The following MARCOL variants were observed in gnomAD, a reference collection of about 807,000 sequenced individuals.
The protein encoded by MARCOL is MARCO-like protein.
chr5:148,243,182 C>G lies in MARCOL; in HGVS notation c.786C>G (p.Ser262Arg), dbSNP rs995954429. ...SSQQGNLHLSSQQGNQGPSSK... is the reference protein window; with the variant it reads ...SSQQGNLHLSRQQGNQGPSSK... Reference sequence around the variant, plus strand: ...AACAAGGAAATCTACATTTATCTAGCCAGCAAGGGAATCAAGGACCTTCTA... The same window carrying G: ...AACAAGGAAATCTACATTTATCTAGGCAGCAAGGGAATCAAGGACCTTCTA... Residue 262 changes from serine (S) to arginine (R), a missense_variant, in exon 2 of 2, where the codon AGC becomes AGG. By Grantham distance (110) the Ser-to-Arg change is moderately radical (BLOSUM62 -1). Coordinates refer to ENST00000638089, the MANE Select transcript of MARCOL (RefSeq NM_001363511.2). 2.3e-4 allele frequency: 90 copies of G among 399,324 alleles called. No individual in the cohort carries two copies. Among genetic ancestry groups the G allele is most frequent in the African/African-American group, 1.7e-3 (85 of 48,692 alleles). The allele number at this position is 399,324 out of a possible 1,614,324, so 24.7% of individuals were successfully genotyped here.
At chr5:148,240,069 A>C in intron 1 of MARCOL, among the ~76,000 whole-genome samples, 1 of 151,946 alleles carries the variant, frequency 6.6e-6, no homozygotes, top group East Asian at 1.9e-4. Context: ...ATTCACCCTT[A>C]GTTTTTATTT....
chr5:148,241,299 A>G (rs1755961879), intron 1 of MARCOL, among the ~76,000 whole-genome samples: 1 of 151,986 alleles, frequency 6.6e-6, no homozygotes, highest in Non-Finnish European at 1.5e-5. Context: ...AATATAAAGC[A>G]GAGCAATTGA....
chr5:148,241,616 T>C (rs1181353478), intron 1 of MARCOL, among the ~76,000 whole-genome samples: 1 of 151,986 alleles, frequency 6.6e-6, no homozygotes, highest in African/African-American at 2.4e-5. Context: ...ATTTATTGTT[T>C]TTTAGATCCT....
intron 1 of MARCOL, among the ~76,000 whole-genome samples, chr5:148,241,336 A>T (rs1007402331): frequency 6.6e-6 from 1 of 152,062 alleles, no homozygotes; most frequent in South Asian, 2.1e-4. Flanking sequence ...CTAAGTATAC[A>T]TCTGAAATAA....
Position 148,243,091 on chromosome 5 carries a change from G to T in MARCOL, c.695G>T (p.Gly232Val). The T allele has an allele frequency of 2.5e-6, 1 of 399,500 alleles. No homozygotes were observed. The highest frequency in any genetic ancestry group is 4.4e-6 in the Non-Finnish European group (1 of 226,874). 24.7% of individuals were successfully genotyped at this position (399,500 alleles called of 1,614,324 possible). Residue 232 changes from glycine to valine, a missense_variant, in exon 2 of 2, where the codon GGA becomes GTA. Gly to Val is a moderately radical substitution (Grantham distance 109, BLOSUM62 -3). Coordinates refer to ENST00000638089, the MANE Select transcript of MARCOL (RefSeq NM_001363511.2). ...LGTSGQQEKP[G>V]SSSQQGKPGL... ...ACTTCTGGCCAACAGGAGAAGCCAG[G>T]ATCTTCTAGCCAACAGGGGAAGCCA...
chr5:148,242,068 C>A (rs1368307), intron 1 of MARCOL, among the ~76,000 whole-genome samples: 119,381 of 152,088 alleles, frequency 0.78, 50,134 homozygotes, highest in Middle Eastern at 0.94. Flanking sequence ...AAAATTAGGA[C>A]TAAAGTACTT....
At chr5:148,240,667 C>G (rs1483567375) in intron 1 of MARCOL, among the ~76,000 whole-genome samples, 1 of 151,706 alleles carries the variant, frequency 6.6e-6, no homozygotes, top group African/African-American at 2.4e-5. Flanking sequence ...ACTCTTTTTT[C>G]CTATTTCTTC....
rs1581154352 is a variant in MARCOL, at chr5:148,243,069, T to A, written c.673T>A (p.Ser225Thr). 5.0e-6 allele frequency: 2 copies of A among 397,060 alleles called. No individual in the cohort carries two copies. Among genetic ancestry groups the A allele is most frequent in the Non-Finnish European group, 8.9e-6 (2 of 225,030 alleles). The allele number at this position is 397,060 out of a possible 1,614,324, so 24.6% of individuals were successfully genotyped here. The part of the protein sequence containing the change: ...SSSQQGNLGT[S>T]GQQEKPGSSS... ...TAGCCAACAAGGAAATCTAGGAACT[T>A]CTGGCCAACAGGAGAAGCCAGGATC... The change falls in exon 2 of 2, where the codon TCT (serine) becomes ACT (threonine). Residue 225 changes from serine to threonine, a missense_variant. Physicochemically the swap from Ser to Thr is moderately conservative, Grantham distance 58. Coordinates refer to ENST00000638089, the MANE Select transcript of MARCOL (RefSeq NM_001363511.2).
intron 1 of MARCOL, among the ~76,000 whole-genome samples, chr5:148,239,881 G>C (rs957488386): frequency 1.2e-4 from 18 of 151,890 alleles, no homozygotes; most frequent in African/African-American, 4.3e-4. Context: ...ATATATATTG[G>C]AAGATGAAGA....
intron 1 of MARCOL, among the ~76,000 whole-genome samples, chr5:148,240,496 T>C (rs1158873380): frequency 6.6e-6 from 1 of 151,112 alleles, no homozygotes; most frequent in Non-Finnish European, 1.5e-5. Context: ...ATGTCGTAGT[T>C]AGGAAATTAT....
At chr5:148,239,709 G>C (rs1755943752) in intron 1 of MARCOL, among the ~76,000 whole-genome samples, 1 of 151,840 alleles carries the variant, frequency 6.6e-6, no homozygotes. Flanking sequence ...ATGTGTGTGT[G>C]TTTTAAAGGG....
At chr5:148,240,220 A>G (rs892885652) in intron 1 of MARCOL, among the ~76,000 whole-genome samples, 2 of 151,934 alleles carry the variant, frequency 1.3e-5, no homozygotes, top group African/African-American at 4.8e-5. Flanking sequence ...AACCCATAAA[A>G]TGGGATACTA....
chr5:148,239,040 T>G lies in MARCOL; in HGVS notation c.49+394T>G, dbSNP rs76267155. On this transcript the variant is annotated intron_variant, in intron 1 of 1. Coordinates refer to ENST00000638089, the MANE Select transcript of MARCOL (RefSeq NM_001363511.2). ...TAATGTGTTCAAATCTTGATGTTTTTTTCCCATTCATGTGATTTGAGGAAA... is the reference window on the plus strand; with the variant it reads ...TAATGTGTTCAAATCTTGATGTTTTGTTCCCATTCATGTGATTTGAGGAAA... Among the ~76,000 whole-genome samples the G allele has an allele frequency of 6.4e-3, 980 of 152,216 alleles. 42 individuals carry two copies. In the East Asian group the frequency reaches 0.12, roughly 18 times the overall value.
At chr5:148,238,781 A>G in intron 1 of MARCOL, 135 bp downstream of exon 1, 1 of 393,640 alleles carries the variant, frequency 2.5e-6, no homozygotes, top group Non-Finnish European at 4.5e-6. Context: ...GAAGAAGGTA[A>G]ATTTCTGACA....
Position 148,243,201 on chromosome 5 carries a change from C to T in MARCOL, c.805C>T (p.Pro269Ser). The change falls in exon 2 of 2, where the codon CCT becomes TCT. Residue 269 changes from proline (P) to serine (S), a missense_variant. Transcript: ENST00000638089. ...ATCTAGCCAGCAAGGGAATCAAGGA[C>T]CTTCTAGCAAACAGAGGAAGCCAGG... is the stretch of plus-strand genomic sequence containing the variant. ...HLSSQQGNQG[P>S]SSKQRKPGSS... 1 of 397,818 alleles carries T rather than the reference C, an allele frequency of 2.5e-6. No homozygotes were observed. Among genetic ancestry groups the T allele is most frequent in the Non-Finnish European group, 4.4e-6 (1 of 226,324 alleles). 24.6% of individuals were successfully genotyped at this position (397,818 alleles called of 1,614,324 possible). A position where few individuals can be genotyped will look rare whatever the true frequency, so the allele number is the denominator to read the frequency against.
At position 148,243,078 on chromosome 5, in the gene MARCOL, C is replaced by A. The variant is rs529447570; in HGVS notation, c.682C>A (p.Gln228Lys). 2.5e-6 allele frequency: 1 copy of A among 396,474 alleles called. No homozygotes were observed. Among genetic ancestry groups the A allele is most frequent in the African/African-American group, 2.1e-5 (1 of 48,486 alleles). The allele number at this position is 396,474 out of a possible 1,614,324, so 24.6% of individuals were successfully genotyped here. The part of the protein sequence containing the change: ...QQGNLGTSGQ[Q>K]EKPGSSSQQG... ...AGGAAATCTAGGAACTTCTGGCCAACAGGAGAAGCCAGGATCTTCTAGCCA... is the reference window on the plus strand; with the variant it reads ...AGGAAATCTAGGAACTTCTGGCCAAAAGGAGAAGCCAGGATCTTCTAGCCA... Residue 228 changes from glutamine (Q) to lysine (K), a missense_variant, in exon 2 of 2, where the codon CAG (glutamine) becomes AAG (lysine). By Grantham distance (53) the Gln-to-Lys change is moderately conservative. Transcript: ENST00000638089.
At chr5:148,241,395 A>G (rs1755963599) in intron 1 of MARCOL, among the ~76,000 whole-genome samples, 1 of 151,570 alleles carries the variant, frequency 6.6e-6, no homozygotes, top group South Asian at 2.1e-4. Flanking sequence ...AAATACCAAA[A>G]AAACCTATGC....
intron 1 of MARCOL, among the ~76,000 whole-genome samples, chr5:148,240,923 A>G (rs954805510): frequency 6.6e-6 from 1 of 151,948 alleles, no homozygotes; most frequent in African/African-American, 2.4e-5. Context: ...TCCTCACGTG[A>G]TAGCATTGAT....
In MARCOL at chr5:148,243,272, G is replaced by A. The variant is rs553884600; in HGVS notation, c.*18G>A. The A allele has an allele frequency of 1.1e-4, 45 of 398,238 alleles. No individual in the cohort carries two copies. In the East Asian group the frequency reaches 1.5e-3, roughly 13 times the overall value. The allele number at this position is 398,238 out of a possible 1,614,324, so 24.7% of individuals were successfully genotyped here. ...ATCTATGATTATCTAGCCAGCAAGG[G>A]AATATAGGATCTCCTAGCCAACAGG... On this transcript the variant is annotated 3_prime_UTR_variant, in exon 2 of 2. Transcript: ENST00000638089.
Sources: allele counts gnomAD v4.1 joint callset (sites outside exome capture counted in the v4.1 genomes callset), GRCh38; gene constraint gnomAD v4.1.1; transcripts MANE v1.5; gene names NCBI Gene and HGNC (gene_info 2026-07-23, HGNC 2026-07-21).